The following HADHA variants were observed in gnomAD, a reference collection of about 807,000 sequenced individuals.
HADHA encodes hydroxyacyl-CoA dehydrogenase trifunctional multienzyme complex subunit alpha.
A neutral mutation model predicts 91.3 loss-of-function variants in HADHA; 59 were observed. The ratio of observed to expected loss-of-function variants is 0.65; its 90% CI spans 0.52 to 0.80. The LOEUF (loss-of-function observed/expected upper bound fraction) is 0.80, where lower values mean the gene tolerates loss of function less well. Ranked by LOEUF, HADHA falls within the 30% of genes least tolerant of loss-of-function variation. The probability of loss-of-function intolerance (pLI) is 0.00; values close to 1 mark genes in which losing one functional copy is unlikely to be tolerated. For synonymous variants in HADHA, 320 were observed against 338.9 expected (o/e 0.94, Z 0.61); for missense variants, 800 against 927.6 (o/e 0.86, Z 1.79).
chr2:26,239,267 T>C, intron 1 of HADHA, 124 bp from the exon 2 acceptor site: 1 of 755,438 alleles, frequency 1.3e-6, no homozygotes, highest in Non-Finnish European at 2.4e-6. Context: ...CAATGTATTC[T>C]AGGCCATATG....
At chr2:26,226,657 A>G (rs753770302) in intron 7 of HADHA, among the ~76,000 whole-genome samples, 76 of 152,230 alleles carry the variant, frequency 5.0e-4, no homozygotes, top group Non-Finnish European at 8.8e-4. Flanking sequence ...CTTACCTCAC[A>G]CCATATACAA....
intron 4 of HADHA, among the ~76,000 whole-genome samples, chr2:26,236,376 TAC>T (rs1670756487): frequency 7.8e-6 from 1 of 127,768 alleles, no homozygotes; most frequent in African/African-American, 3.2e-5. Context: ...TATATATATA[TAC>T]TCTGTGTGTG....
intron 11 of HADHA, among the ~76,000 whole-genome samples, chr2:26,207,601 T>C (rs1026232522): frequency 1.3e-5 from 2 of 152,190 alleles, no homozygotes; most frequent in Non-Finnish European, 2.9e-5. Context: ...TTCAGCACCC[T>C]TGAAATGACC....
At position 26,204,161 on chromosome 2, in the gene HADHA, G is replaced by A. The variant is rs751667312; in HGVS notation, c.1121C>T (p.Ala374Val). ...ATCCACGGAGACTTGGGCGATGCCT[G>A]CTCCCATCAGCCCTGCACCAAGAAT... Reference protein sequence around the residue: ...LAILGAGLMGAGIAQVSVDKG... With the variant: ...LAILGAGLMGVGIAQVSVDKG... The change falls in exon 12 of 20, where the codon GCA (alanine) becomes GTA (valine). Residue 374 changes from alanine to valine, a missense_variant. Ala to Val is a moderately conservative substitution (Grantham distance 64). Transcript: ENST00000380649. The A allele has an allele frequency of 1.2e-6, 2 of 1,613,338 alleles. No homozygotes were observed. The highest frequency in any genetic ancestry group is 2.7e-5 in the African/African-American group (2 of 74,924).
intron 5 of HADHA, among the ~76,000 whole-genome samples, 170 bp from the exon 6 acceptor site, chr2:26,232,449 T>C (rs1210772898): frequency 6.6e-6 from 1 of 152,190 alleles, no homozygotes; most frequent in African/African-American, 2.4e-5. Flanking sequence ...TTTAGCCTTT[T>C]TTTCATACTT....
chr2:26,212,686 T>G, intron 9 of HADHA, 60 bp from the exon 10 acceptor site: 1 of 1,107,944 alleles, frequency 9.0e-7, no homozygotes, highest in Non-Finnish European at 1.4e-6. Flanking sequence ...TGTACAATAA[T>G]GCTGAATAAA....
intron 18 of HADHA, 70 bp downstream of exon 18, chr2:26,192,240 G>C: frequency 1.2e-6 from 1 of 804,208 alleles, no homozygotes. Context: ...AAAAATGGAA[G>C]AGGGGCTGGG....
chr2:26,214,920 T>A lies in HADHA; in HGVS notation c.799+133A>T. 1.1e-6 allele frequency: 1 copy of A among 889,104 alleles called. No homozygotes were observed. The highest frequency in any genetic ancestry group is 2.4e-5 in the East Asian group (1 of 41,540). The allele number at this position is 889,104 out of a possible 1,614,324, so 55.1% of individuals were successfully genotyped here. On this transcript the variant is annotated intron_variant, in intron 8 of 19. Coordinates refer to ENST00000380649, the MANE Select transcript of HADHA (RefSeq NM_000182.5). This position sits in a 1 kb window ranked among gnomAD's most constrained non-coding sequence, Gnocchi z 4.1. ...AGTGTAAAGTTGAGGAGTTGTTACA[T>A]CTCCTACCTAAGGCTGACTTTATGC...
rs1325669358 is a variant in HADHA at position 26,221,162 on chromosome 2, A to G, written c.677-5987T>C. On this transcript the variant is annotated intron_variant, in intron 7 of 19. Transcript: ENST00000380649. This position sits in a 1 kb window ranked among gnomAD's most constrained non-coding sequence, Gnocchi z 4.8. ...GGTTGCTATTCCAGCCCATTTACTGAGTAACTAAAAAAGCTGCTAGTTTAA... is the reference window on the plus strand; with the variant it reads ...GGTTGCTATTCCAGCCCATTTACTGGGTAACTAAAAAAGCTGCTAGTTTAA... 6.6e-6 allele frequency among the ~76,000 whole-genome samples: 1 copy of G among 152,184 alleles called. No individual in the cohort carries two copies. The highest frequency in any genetic ancestry group is 2.4e-5 in the African/African-American group (1 of 41,446).
intron 1 of HADHA, among the ~76,000 whole-genome samples, chr2:26,239,450 G>A (rs964165944): frequency 6.6e-6 from 1 of 152,164 alleles, no homozygotes; most frequent in Non-Finnish European, 1.5e-5. Flanking sequence ...AATAAAGAAA[G>A]TTTATCATGG....
intron 17 of HADHA, 115 bp downstream of exon 17, chr2:26,193,462 G>C: frequency 2.2e-6 from 2 of 891,668 alleles, no homozygotes; most frequent in Non-Finnish European, 3.8e-6. Context: ...CAGTGATAAG[G>C]GCTCTGTGTT....
intron 17 of HADHA, 67 bp downstream of exon 17, chr2:26,193,507 CTTT>C: frequency 2.4e-6 from 3 of 1,275,274 alleles, no homozygotes; most frequent in Non-Finnish European, 3.4e-6. Context: ...TTCTGTAACT[CTTT>C]GGTCTCAGGA....
chr2:26,216,858 C>T (rs544196227), intron 7 of HADHA, among the ~76,000 whole-genome samples: 1 of 152,192 alleles, frequency 6.6e-6, no homozygotes, highest in South Asian at 2.1e-4. Flanking sequence ...TCTGCATGTG[C>T]ATGAGGGGAA....
intron 13 of HADHA, among the ~76,000 whole-genome samples, chr2:26,200,492 C>G (rs1242671120): frequency 1.3e-5 from 2 of 152,204 alleles, no homozygotes; most frequent in African/African-American, 4.8e-5. Flanking sequence ...GACGAACTGT[C>G]TTCCCTATTT....
At chr2:26,236,455 G>C (rs1670764480) in intron 4 of HADHA, among the ~76,000 whole-genome samples, 1 of 146,304 alleles carries the variant, frequency 6.8e-6, no homozygotes, top group Admixed American at 7.0e-5. Context: ...GTCTCACTCT[G>C]TCACCCAGGC....
intron 13 of HADHA, among the ~76,000 whole-genome samples, chr2:26,199,566 T>C (rs1250316500): frequency 6.6e-6 from 1 of 152,176 alleles, no homozygotes; most frequent in East Asian, 1.9e-4. Context: ...ATGTCTTTTC[T>C]CCCAGCTAGA....
In HADHA at chr2:26,229,183, TA is replaced by T. The variant is rs947019985; in HGVS notation, c.676+1008del. On this transcript the variant is annotated intron_variant, in intron 7 of 19. Coordinates refer to ENST00000380649, the MANE Select transcript of HADHA (RefSeq NM_000182.5). This position sits in a 1 kb window ranked among gnomAD's most constrained non-coding sequence, Gnocchi z 4.3. The stretch of plus-strand genomic sequence containing the variant: ...AGTGAGATCTCGTTTCTACAAAAAA[TA>T]AAAAATTAGCTGGTGTAGCAGCGTA... Among the ~76,000 whole-genome samples the T allele has an allele frequency of 6.6e-6, 1 of 151,750 alleles. No homozygotes were observed. Among genetic ancestry groups the T allele is most frequent in the African/African-American group, 2.4e-5 (1 of 41,288 alleles).
At position 26,194,581 on chromosome 2, in the gene HADHA, G is replaced by A. The variant is rs137852771; in HGVS notation, c.1678C>T (p.Arg560Ter). Residue 560 changes from arginine to a stop codon, truncating the protein, a stop_gained, in exon 16 of 20, where the codon CGA becomes TGA. Coordinates refer to ENST00000380649, the MANE Select transcript of HADHA (RefSeq NM_000182.5). LOFTEE classifies it high-confidence loss of function. ...CLAPMMSEVIRILQEGVDPKK... is the reference protein window; with the variant it reads ...CLAPMMSEVI ...AGAGCAATACCAACCTGGAGGATTC[G>A]GATGACTTCAGACATCATGGGCGCA... 2.1e-5 allele frequency: 33 copies of A among 1,605,776 alleles called. No individual in the cohort carries two copies. Among genetic ancestry groups the A allele is most frequent in the Non-Finnish European group, 2.7e-5 (32 of 1,172,514 alleles).
intron 4 of HADHA, among the ~76,000 whole-genome samples, chr2:26,236,420 G>GTGTATA (rs553522257): frequency 3.5e-4 from 41 of 116,530 alleles, no homozygotes; most frequent in East Asian, 1.2e-3. Context: ...GTGTGTGTGT[G>GTGTATA]TATATACTTT....
Sources: allele counts gnomAD v4.1 joint callset (sites outside exome capture counted in the v4.1 genomes callset), GRCh38; gene constraint gnomAD v4.1.1; non-coding constraint Gnocchi (gnomAD v3.1); transcripts MANE v1.5; gene names NCBI Gene and HGNC (gene_info 2026-07-23, HGNC 2026-07-21).